The following CDC42BPG variants were observed in gnomAD, a reference collection of about 807,000 sequenced individuals.
The protein encoded by CDC42BPG is CDC42 binding protein kinase gamma.
A neutral mutation model predicts 192.2 loss-of-function variants in CDC42BPG; 157 were observed. The observed-to-expected ratio is 0.82, with a 90% confidence interval of 0.72 to 0.93. CDC42BPG has a LOEUF of 0.93. Ranked by LOEUF, CDC42BPG falls within the 40% of genes least tolerant of loss-of-function variation. The pLI is 0.00. For missense variants in CDC42BPG, 1,992 were observed against 2,122.1 expected (o/e 0.94, Z 1.20); for synonymous variants, 981 against 918.5 (o/e 1.07, Z -1.23).
chr11:64,839,363 C>T, intron 6 of CDC42BPG, 115 bp downstream of exon 6: 1 of 1,495,416 alleles, frequency 6.7e-7, no homozygotes, highest in Admixed American at 1.8e-5. Context: ...GCCTGGGTCT[C>T]ACCCACCTTC....
At chr11:64,826,985 C>A in intron 34 of CDC42BPG, 65 bp downstream of exon 34, 1 of 1,279,538 alleles carries the variant, frequency 7.8e-7, no homozygotes, top group Non-Finnish European at 1.1e-6. Flanking sequence ...CTAGAGCTCA[C>A]CACAGAGGCC....
intron 11 of CDC42BPG, 25 bp downstream of exon 11, chr11:64,836,714 G>GGGGC (rs1565690062): frequency 1.2e-6 from 1 of 866,540 alleles, no homozygotes; most frequent in Non-Finnish European, 1.7e-6. Flanking sequence ...CCTGGGGGGG[G>GGGGC]GGGGGGGGTG....
At chr11:64,824,666 T>C in intron 36 of CDC42BPG, 137 bp from the exon 37 acceptor site, 1 of 622,534 alleles carries the variant, frequency 1.6e-6, no homozygotes, top group Non-Finnish European at 2.9e-6. Flanking sequence ...AGATGTGAGG[T>C]GAGGAGTAGA....
rs11231884 is a variant in CDC42BPG, at chr11:64,825,029, G to A, written c.4600-500C>T. ...CCTCCCAGGTTCAAGTGATTCTCCT[G>A]CCTCGGCCCACCAGGTAGCTGGGAT... is the stretch of plus-strand genomic sequence containing the variant. On this transcript the variant is annotated intron_variant, in intron 36 of 36. Coordinates refer to ENST00000342711, the MANE Select transcript of CDC42BPG (RefSeq NM_017525.3). Among the ~76,000 whole-genome samples, 33 of 152,114 alleles carry A rather than the reference G, an allele frequency of 2.2e-4. No individual in the cohort carries two copies. The East Asian group carries it at 3.9e-3, about 18-fold the overall frequency.
Position 64,834,309 on chromosome 11 carries a change from C to A in CDC42BPG, c.2370G>T (p.Glu790Asp). The change falls in exon 20 of 37, where the codon GAG becomes GAT. Residue 790 changes from glutamate (E) to aspartate (D), a missense_variant. By Grantham distance (45) the Glu-to-Asp change is conservative. This residue lies in a region of CDC42BPG where 1,656 missense variants were observed against 1,844.3 expected (regional missense o/e 0.90). Coordinates refer to ENST00000342711, the MANE Select transcript of CDC42BPG (RefSeq NM_017525.3). ...AEKQSQALQQ[E>D]LAMLREELRA... ...GCAGCTCCTCCCGCAGCATGGCGAGCTCCTGTTGCAGGGCCTGGCTCTGCT... is the reference window on the plus strand; with the variant it reads ...GCAGCTCCTCCCGCAGCATGGCGAGATCCTGTTGCAGGGCCTGGCTCTGCT... 1 of 1,580,538 alleles carries A rather than the reference C, an allele frequency of 6.3e-7. No homozygotes were observed. Among genetic ancestry groups the A allele is most frequent in the Non-Finnish European group, 8.6e-7 (1 of 1,167,774 alleles).
At chr11:64,826,616 G>C in intron 35 of CDC42BPG, 55 bp downstream of exon 35, 2 of 1,591,514 alleles carry the variant, frequency 1.3e-6, no homozygotes, top group Non-Finnish European at 8.6e-7. Context: ...GATCCAAAGG[G>C]GGTAGAAACT....
At chr11:64,844,317 G>T in intron 1 of CDC42BPG, 93 bp downstream of exon 1, 2 of 1,196,814 alleles carry the variant, frequency 1.7e-6, no homozygotes, top group Non-Finnish European at 2.1e-6. Flanking sequence ...AAGCCCGTGG[G>T]GGTGCGGGTC....
rs778251160 is a variant in CDC42BPG, at chr11:64,836,925, G to C, written c.1300C>G (p.Gln434Glu). The change falls in exon 10 of 37, where the codon CAA becomes GAA. Residue 434 changes from glutamine to glutamate, a missense_variant. Coordinates refer to ENST00000342711, the MANE Select transcript of CDC42BPG (RefSeq NM_017525.3). Reference sequence around the variant, plus strand: ...CCGGCCCAGCCGCTCCCAGTACCTTGGTGCTTCCTGCTCAGCTCCACCTTC... The same window carrying C: ...CCGGCCCAGCCGCTCCCAGTACCTTCGTGCTTCCTGCTCAGCTCCACCTTC... ...QEKVELSRKHQEALHAPTDHR... is the reference protein window; with the variant it reads ...QEKVELSRKHEEALHAPTDHR... 16 of 1,613,244 alleles carry C rather than the reference G, an allele frequency of 9.9e-6. No individual in the cohort carries two copies. In the Admixed American group the frequency reaches 2.7e-4, roughly 27 times the overall value.
intron 36 of CDC42BPG, 97 bp from the exon 37 acceptor site, chr11:64,824,626 C>G (rs1197250589): frequency 1.3e-6 from 1 of 764,750 alleles, no homozygotes; most frequent in Non-Finnish European, 2.2e-6. Flanking sequence ...GGACCCATCA[C>G]CCACTGTATC....
intron 11 of CDC42BPG, 92 bp from the exon 12 acceptor site, chr11:64,836,622 G>T (rs1943004648): frequency 3.8e-6 from 5 of 1,311,214 alleles, no homozygotes; most frequent in Non-Finnish European, 3.2e-6. Context: ...CCACACGCGG[G>T]CTCAGAGAGT....
Position 64,834,291 on chromosome 11 carries a change from C to G in CDC42BPG, c.2388G>C (p.Glu796Asp). 6.3e-7 allele frequency: 1 copy of G among 1,578,708 alleles called. No homozygotes were observed. Among genetic ancestry groups the G allele is most frequent in the Non-Finnish European group, 8.6e-7 (1 of 1,167,590 alleles). ...ALQQELAMLREELRARGPVDT... is the reference protein window; with the variant it reads ...ALQQELAMLRDELRARGPVDT... ...CCACTGGCCCTCGGGCCCGCAGCTC[C>G]TCCCGCAGCATGGCGAGCTCCTGTT... The change falls in exon 20 of 37, where the codon GAG becomes GAC. Residue 796 changes from glutamate (E) to aspartate (D), a missense_variant. Glu to Asp is a conservative substitution (Grantham distance 45). Transcript: ENST00000342711.
rs376066955 is a variant in CDC42BPG, at chr11:64,838,671, C to T, written c.1108G>A (p.Asp370Asn). Residue 370 changes from aspartate to asparagine, a missense_variant, in exon 8 of 37, where the codon GAC becomes AAC. Coordinates refer to ENST00000342711, the MANE Select transcript of CDC42BPG (RefSeq NM_017525.3). ...CCACTCACTGGATGGTTGAGGGTGT[C>T]GTCATCCACATCAAAGTTGGAGGTG... is the stretch of plus-strand genomic sequence containing the variant. ...MDTSNFDVDD[D>N]TLNHPGTLPP... The T allele has an allele frequency of 4.3e-6, 7 of 1,612,854 alleles. No individual in the cohort carries two copies. Among genetic ancestry groups the T allele is most frequent in the Middle Eastern group, 1.6e-4 (1 of 6,082 alleles).
In CDC42BPG at chr11:64,839,247, TG is replaced by T; in HGVS notation, c.676-15del. On this transcript the variant is annotated splice_polypyrimidine_tract_variant and intron_variant, in intron 6 of 36. Coordinates refer to ENST00000342711, the MANE Select transcript of CDC42BPG (RefSeq NM_017525.3). ...TGATGAATCCACCTGTGGGTGGTGG[TG>T]GTGAAGCCATGAGGACAGCTTTGGG... The T allele has an allele frequency of 6.2e-7, 1 of 1,612,802 alleles. No homozygotes were observed. Among genetic ancestry groups the T allele is most frequent in the South Asian group, 1.1e-5 (1 of 91,076 alleles).
In CDC42BPG at chr11:64,841,942, G is replaced by A. The variant is rs1252208516; in HGVS notation, c.161-38C>T. ...AGGGCGGGACTCAGAGTGCAGGGAG[G>A]GAGGGCTCCATTCCCCCTCTCACCT... On this transcript the variant is annotated intron_variant, in intron 1 of 36. Coordinates refer to ENST00000342711, the MANE Select transcript of CDC42BPG (RefSeq NM_017525.3). The A allele has an allele frequency of 4.7e-6, 7 of 1,498,942 alleles. 1 individual carries two copies. The South Asian group carries it at 8.3e-5, about 18-fold the overall frequency. The allele number at this position is 1,498,942 out of a possible 1,614,324, so 92.9% of individuals were successfully genotyped here. A position where few individuals can be genotyped will look rare whatever the true frequency, so the allele number is the denominator to read the frequency against.
At chr11:64,841,788 C>T in intron 2 of CDC42BPG, 25 bp downstream of exon 2, 2 of 1,613,356 alleles carry the variant, frequency 1.2e-6, no homozygotes, top group South Asian at 1.1e-5. Context: ...CACCTCCCCC[C>T]ACCTACCCCA....
intron 21 of CDC42BPG, 41 bp from the exon 22 acceptor site, chr11:64,833,877 G>C: frequency 6.2e-7 from 1 of 1,614,000 alleles, no homozygotes; most frequent in Non-Finnish European, 8.5e-7. Context: ...AGGTCCCTGT[G>C]CCTCTCCCAG....
Position 64,839,565 on chromosome 11 carries a change from G to A in CDC42BPG, c.588C>T (p.Val196=), listed in dbSNP as rs774866136. 23 of 1,611,730 alleles carry A rather than the reference G, an allele frequency of 1.4e-5. No individual in the cohort carries two copies. The East Asian group carries it at 2.5e-4, about 17-fold the overall frequency. The change falls in exon 6 of 37, where the codon GTC becomes GTT. Residue 196 remains valine, a synonymous_variant. Coordinates refer to ENST00000342711, the MANE Select transcript of CDC42BPG (RefSeq NM_017525.3). ...LHQLGYVHRD[V]KPDNVLLDVN... ...CATCCAGCAGGACGTTGTCTGGCTT[G>A]ACATCCCTGGGGGATGGCAGGCAGG...
In CDC42BPG at chr11:64,840,600, G is replaced by C. The variant is rs746634700; in HGVS notation, c.385C>G (p.Arg129Gly). 5 of 1,613,866 alleles carry C rather than the reference G, an allele frequency of 3.1e-6. No individual in the cohort carries two copies. Among genetic ancestry groups the C allele is most frequent in the Non-Finnish European group, 4.2e-6 (5 of 1,180,044 alleles). Residue 129 changes from arginine to glycine, a missense_variant, in exon 4 of 37, where the codon CGT becomes GGT. Around this residue, in one of 2 missense-constraint regions of CDC42BPG, gnomAD observed 1,656 missense variants for 1,844.3 expected, o/e 0.90. Transcript: ENST00000342711. ...GCATAGTGCAGAGTGGTCACCCAAC[G>C]GCTGTCCCCTTTCACGAGCACATCC... Reference protein sequence around the residue: ...ERDVLVKGDSRWVTTLHYAFQ... With the variant: ...ERDVLVKGDSGWVTTLHYAFQ...
chr11:64,831,739 A>T lies in CDC42BPG; in HGVS notation c.3088-18T>A. 1 of 1,568,908 alleles carries T rather than the reference A, an allele frequency of 6.4e-7. No individual in the cohort carries two copies. The highest frequency in any genetic ancestry group is 8.6e-7 in the Non-Finnish European group (1 of 1,161,102). ...GTTGTCACCTGTGGGCAAGGACCCC[A>T]GCTGGAGGGCCGTGGACCAGAGCCA... is the stretch of plus-strand genomic sequence containing the variant. On this transcript the variant is annotated intron_variant, in intron 27 of 36. Transcript: ENST00000342711.
Sources: allele counts gnomAD v4.1 joint callset (sites outside exome capture counted in the v4.1 genomes callset), GRCh38; gene constraint gnomAD v4.1.1; regional missense constraint gnomAD v4.1.1; transcripts MANE v1.5; gene names NCBI Gene and HGNC (gene_info 2026-07-23, HGNC 2026-07-21).